APOLD1: variants seen among roughly 807,000 people sequenced by gnomAD.
The protein encoded by APOLD1 is apolipoprotein L domain-containing protein 1.
Under a neutral mutation model 15.3 loss-of-function variants are expected in APOLD1, and 22 were observed. The ratio of observed to expected loss-of-function variants is 1.44; its 90% confidence interval spans 1.03 to 2.05. APOLD1 has a LOEUF of 2.05. APOLD1 is among the 30% of genes most tolerant of loss of function. The pLI is 0.00. For synonymous variants in APOLD1, 190 were observed against 167.4 expected (o/e 1.13, Z -1.04); for missense variants, 394 against 353.5 (o/e 1.11, Z -0.92).
chr12:12,749,694 G>T (rs1946792945), intron 1 of APOLD1, among the ~76,000 whole-genome samples: 1 of 152,182 alleles, frequency 6.6e-6, no homozygotes, highest in Non-Finnish European at 1.5e-5. Flanking sequence ...TGACCACCAA[G>T]TGGCCCATGG....
At chr12:12,746,610 CTA>C (rs1229390124) in intron 1 of APOLD1, among the ~76,000 whole-genome samples, 1 of 152,126 alleles carries the variant, frequency 6.6e-6, no homozygotes, top group Non-Finnish European at 1.5e-5. Flanking sequence ...TTTTAAAAAA[CTA>C]TTGGAAAACA....
rs1412071977 is a variant in APOLD1, at chr12:12,745,294, T to C, written c.96+19198T>C. Among the ~76,000 whole-genome samples, 466 of 152,072 alleles carry C rather than the reference T, an allele frequency of 3.1e-3. 1 individual carries two copies. Among genetic ancestry groups the C allele is most frequent in the African/African-American group, 0.011 (441 of 41,416 alleles). On this transcript the variant is annotated intron_variant, in intron 1 of 1. Coordinates refer to the APOLD1 transcript ENST00000326765. Reference sequence around the variant, plus strand: ...AGGTGGCACACGCCTGTAATCCCAGTACTTTGGGAAGTTGAGGCGGGTGGA... The same window carrying C: ...AGGTGGCACACGCCTGTAATCCCAGCACTTTGGGAAGTTGAGGCGGGTGGA...
At chr12:12,729,161 C>T (rs1006174656) in intron 1 of APOLD1, among the ~76,000 whole-genome samples, 4 of 151,532 alleles carry the variant, frequency 2.6e-5, no homozygotes, top group African/African-American at 9.7e-5. Flanking sequence ...TTCCTGTTTT[C>T]TTTTGCTTGC....
chr12:12,782,292 A>AACAC (rs1947087774), upstream of APOLD1, among the ~76,000 whole-genome samples: 11 of 101,190 alleles, frequency 1.1e-4, no homozygotes, highest in South Asian at 3.4e-3. Flanking sequence ...CAAACAAACA[A>AACAC]ACACTACCAG....
Position 12,786,897 on chromosome 12 carries a change from A to G in APOLD1, c.4-12A>G. 7.0e-7 allele frequency: 1 copy of G among 1,419,022 alleles called. No homozygotes were observed. The highest frequency in any genetic ancestry group is 1.5e-5 in the South Asian group (1 of 66,322). The allele number at this position is 1,419,022 out of a possible 1,614,324, so 87.9% of individuals were successfully genotyped here. A position where few individuals can be genotyped will look rare whatever the true frequency, so the allele number is the denominator to read the frequency against. On this transcript the variant is annotated splice_polypyrimidine_tract_variant and intron_variant, in intron 1 of 1. Coordinates refer to ENST00000356591, the MANE Select transcript of APOLD1 (RefSeq NM_030817.3). ...GAGACTCCAGGCTGACCGCGTGTCT[A>G]TGTCCCCGCAGGGAATGGAGAGGCC...
At chr12:12,783,619 G>C (rs969856451), upstream of APOLD1, among the ~76,000 whole-genome samples, 1 of 143,262 alleles carries the variant, frequency 7.0e-6, no homozygotes, top group Non-Finnish European at 1.5e-5. Flanking sequence ...GGCCCCAGTT[G>C]GTTTTTTTTT....
chr12:12,769,479 A>C (rs1946968781), intron 1 of APOLD1, among the ~76,000 whole-genome samples: 1 of 152,130 alleles, frequency 6.6e-6, no homozygotes, highest in Non-Finnish European at 1.5e-5. Context: ...TGGTGTGGAC[A>C]AGTCTGTGAG....
Position 12,789,575 on chromosome 12 carries a change from T to C in APOLD1, c.*1923T>C, listed in dbSNP as rs1356136520. ...GCAAGCCTGATGTCCTATCAAGTTA[T>C]GTCTTCTGGGTGACAGACAAAATCG... On this transcript the variant is annotated 3_prime_UTR_variant, in exon 2 of 2. Coordinates refer to ENST00000356591, the MANE Select transcript of APOLD1 (RefSeq NM_030817.3). 1 of 152,280 alleles carries C rather than the reference T, an allele frequency of 6.6e-6. No homozygotes were observed. Among genetic ancestry groups the C allele is most frequent in the Non-Finnish European group, 1.5e-5 (1 of 68,042 alleles). 9.4% of individuals were successfully genotyped at this position (152,280 alleles called of 1,614,324 possible). A position where few individuals can be genotyped will look rare whatever the true frequency, so the allele number is the denominator to read the frequency against.
At chr12:12,758,229 C>G (rs945507349) in intron 1 of APOLD1, among the ~76,000 whole-genome samples, 1 of 151,620 alleles carries the variant, frequency 6.6e-6, no homozygotes, top group Admixed American at 6.6e-5. Context: ...AACCACCACG[C>G]CTGAACTAAT....
At chr12:12,776,279 A>G (rs1313307231) in intron 1 of APOLD1, among the ~76,000 whole-genome samples, 1 of 152,214 alleles carries the variant, frequency 6.6e-6, no homozygotes, top group Non-Finnish European at 1.5e-5. Context: ...CTTAAGATTT[A>G]TGATGCCTCT....
intron 1 of APOLD1, among the ~76,000 whole-genome samples, chr12:12,730,714 G>GT (rs57016384): frequency 1.8e-4 from 23 of 126,110 alleles, no homozygotes; most frequent in South Asian, 7.3e-4. Flanking sequence ...AAAGAAAAAA[G>GT]TTTTTTTTTT....
At chr12:12,771,445 T>G in intron 1 of APOLD1, 2 of 453,916 alleles carry the variant, frequency 4.4e-6, no homozygotes, top group Non-Finnish European at 8.6e-6. Flanking sequence ...CTGTCCACCA[T>G]GTTCAAATGC....
At chr12:12,747,415 G>A (rs1026748169) in intron 1 of APOLD1, among the ~76,000 whole-genome samples, 11 of 152,202 alleles carry the variant, frequency 7.2e-5, no homozygotes, top group African/African-American at 2.7e-4. Flanking sequence ...CAAATTTGGG[G>A]AAAATAAAGT....
intron 1 of APOLD1, among the ~76,000 whole-genome samples, chr12:12,750,733 A>C (rs1251381656): frequency 1.3e-5 from 2 of 152,088 alleles, no homozygotes; most frequent in African/African-American, 2.4e-5. Context: ...TTAGTAATAG[A>C]AAAATGGAGT....
At chr12:12,769,539 G>A (rs1946969341) in intron 1 of APOLD1, among the ~76,000 whole-genome samples, 1 of 149,868 alleles carries the variant, frequency 6.7e-6, no homozygotes, top group Non-Finnish European at 1.5e-5. Context: ...TTACCTCCAG[G>A]GGCTCTACTA....
chr12:12,746,635 C>G (rs1946769083), intron 1 of APOLD1, among the ~76,000 whole-genome samples: 2 of 152,108 alleles, frequency 1.3e-5, no homozygotes, highest in African/African-American at 2.4e-5. Flanking sequence ...GGAAAACATG[C>G]TCTAATTTTT....
At chr12:12,733,583 A>T (rs954205476) in intron 1 of APOLD1, among the ~76,000 whole-genome samples, 8 of 152,332 alleles carry the variant, frequency 5.3e-5, no homozygotes, top group Non-Finnish European at 7.4e-5. Flanking sequence ...AACAAGGAAA[A>T]AACCATGAAG....
intron 1 of APOLD1, among the ~76,000 whole-genome samples, chr12:12,765,943 A>G (rs1349889936): frequency 3.9e-5 from 6 of 152,226 alleles, no homozygotes; most frequent in Non-Finnish European, 7.3e-5. Flanking sequence ...AGTGTTGGTT[A>G]GGATCCTCTG....
intron 1 of APOLD1, among the ~76,000 whole-genome samples, chr12:12,737,429 G>T (rs1565426387): frequency 6.6e-6 from 1 of 152,122 alleles, no homozygotes; most frequent in Non-Finnish European, 1.5e-5. Flanking sequence ...TTGAAGTGAG[G>T]TATAATTCCC....
Sources: allele counts gnomAD v4.1 joint callset (sites outside exome capture counted in the v4.1 genomes callset), GRCh38; gene constraint gnomAD v4.1.1; transcripts MANE v1.5; gene names NCBI Gene and HGNC (gene_info 2026-07-23, HGNC 2026-07-21).